Variants in PC observed in about 807,000 individuals in gnomAD.
The protein encoded by PC is pyruvate carboxylase, mitochondrial.
A neutral mutation model predicts 107.8 loss-of-function variants in PC; 46 were observed. The ratio of observed to expected loss-of-function variants is 0.43; its 90% CI spans 0.34 to 0.55. The LOEUF is 0.55. Ranked by LOEUF, PC falls within the 20% of genes least tolerant of loss-of-function variation. PC has a pLI of 0.04. For synonymous variants in PC, 662 were observed against 684.7 expected (o/e 0.97, Z 0.52); for missense variants, 1,241 against 1,643.1 (o/e 0.76, Z 4.23).
In PC at chr11:66,852,548, G is replaced by A. The variant is rs577570512; in HGVS notation, c.1716C>T (p.Asp572=). ...GLLLMDTTFR[D]AHQSLLATRV... ...GAGTGGCCAGCAGTGACTGGTGGGC[G>A]TCCCTGAAGGTCGTGTCCATCAGCA... Residue 572 remains aspartate (D), a synonymous_variant, in exon 15 of 23, where the codon GAC becomes GAT. Transcript: ENST00000393960. The surrounding 1 kb of genome is among the most constrained non-coding windows in gnomAD (Gnocchi z 4.7). 3.6e-5 allele frequency: 58 copies of A among 1,614,012 alleles called. No individual in the cohort carries two copies. The African/African-American group carries it at 3.7e-4, about 10-fold the overall frequency.
chr11:66,941,100 A>AG (rs1555048762), intron 3 of PC, among the ~76,000 whole-genome samples: 2 of 149,048 alleles, frequency 1.3e-5, no homozygotes, highest in East Asian at 2.0e-4. Flanking sequence ...AAAAAAAAAA[A>AG]GGTGCTCAAC....
rs921681116 is a variant in PC at position 66,848,452 on chromosome 11, A to T, written c.*447T>A. 5.6e-6 allele frequency: 3 copies of T among 538,874 alleles called. No individual in the cohort carries two copies. The African/African-American group carries it at 5.7e-5, about 10-fold the overall frequency. The allele number at this position is 538,874 out of a possible 1,614,324, so 33.4% of individuals were successfully genotyped here. A position where few individuals can be genotyped will look rare whatever the true frequency, so the allele number is the denominator to read the frequency against. On this transcript the variant is annotated 3_prime_UTR_variant, in exon 23 of 23. Transcript: ENST00000393960. ...AACGACACAACTGACCTGCCCACCC[A>T]TGGGGAGCTTGAAAGGCAGCCCCCC...
In PC at chr11:66,848,575, C is replaced by T. The variant is rs1731543524; in HGVS notation, c.*324G>A. The T allele has an allele frequency of 3.3e-5, 20 of 598,632 alleles. 1 individual carries two copies. In the South Asian group the frequency reaches 4.0e-4, roughly 12 times the overall value. The allele number at this position is 598,632 out of a possible 1,614,324, so 37.1% of individuals were successfully genotyped here. A position where few individuals can be genotyped will look rare whatever the true frequency, so the allele number is the denominator to read the frequency against. On this transcript the variant is annotated 3_prime_UTR_variant, in exon 23 of 23. Transcript: ENST00000393960. ...GTAAACTTCCCAGGACCTGGGACAT[C>T]TTAGATCTCCCCTTCCCCCAGGAGA...
At chr11:66,948,397 TGA>T (rs1248000319) in intron 3 of PC, among the ~76,000 whole-genome samples, 1 of 151,386 alleles carries the variant, frequency 6.6e-6, no homozygotes, top group African/African-American at 2.4e-5. Flanking sequence ...TCCTGAAGAG[TGA>T]GGAGGCAGAG....
intron 3 of PC, among the ~76,000 whole-genome samples, chr11:66,896,417 T>A (rs182279507): frequency 6.6e-6 from 1 of 152,226 alleles, no homozygotes; most frequent in Admixed American, 6.5e-5. Flanking sequence ...CTATCAACCA[T>A]GTATGAAAGT....
intron 12 of PC, among the ~76,000 whole-genome samples, chr11:66,854,740 T>C (rs1565218798): frequency 6.6e-6 from 1 of 152,146 alleles, no homozygotes; most frequent in Non-Finnish European, 1.5e-5. Context: ...CTCCGTCTCT[T>C]AGGCTCCTAT....
chr11:66,907,257 G>A (rs1202781739), intron 3 of PC, among the ~76,000 whole-genome samples: 4 of 152,242 alleles, frequency 2.6e-5, no homozygotes, highest in Non-Finnish European at 1.5e-5. Flanking sequence ...GCCAGGAACA[G>A]TGGTTCACGC....
intron 1 of PC, among the ~76,000 whole-genome samples, chr11:66,957,527 G>A (rs1014025404): frequency 2.0e-5 from 3 of 152,172 alleles, no homozygotes; most frequent in Non-Finnish European, 4.4e-5. Context: ...GTGGCAGGAG[G>A]GTCGCTTGAG....
intron 3 of PC, among the ~76,000 whole-genome samples, chr11:66,894,954 G>A (rs951375258): frequency 4.6e-5 from 7 of 151,796 alleles, no homozygotes; most frequent in East Asian, 1.9e-4. Flanking sequence ...CCCAGGAGGC[G>A]GAAGCTGAAG....
At chr11:66,946,092 CA>C (rs757767116) in intron 3 of PC, among the ~76,000 whole-genome samples, 6,160 of 66,150 alleles carry the variant, frequency 0.093, 51 homozygotes, top group Non-Finnish European at 0.14. Flanking sequence ...GACTCCGTCT[CA>C]AAAAAAAAAA....
rs918437272 is a variant in PC at position 66,871,876 on chromosome 11, A to T, written c.137-5T>A. On this transcript the variant is annotated splice_polypyrimidine_tract_variant and splice_region_variant and intron_variant, in intron 4 of 22. Coordinates refer to ENST00000393960, the MANE Select transcript of PC (RefSeq NM_001040716.2). This position sits in a 1 kb window ranked among gnomAD's most constrained non-coding sequence, Gnocchi z 7.4. ...ACACACGGATGGCAATCTCACCTAGAGGGCAAAGAAACAAGAAGTTAGATT... is the reference window on the plus strand; with the variant it reads ...ACACACGGATGGCAATCTCACCTAGTGGGCAAAGAAACAAGAAGTTAGATT... 6.2e-6 allele frequency: 10 copies of T among 1,606,912 alleles called. No homozygotes were observed. The Admixed American group carries it at 1.7e-4, about 27-fold the overall frequency.
At chr11:66,954,173 GA>G (rs1381154415) in intron 2 of PC, 75 bp downstream of exon 2, 1 of 152,218 alleles carries the variant, frequency 6.6e-6, no homozygotes, top group Non-Finnish European at 1.5e-5. Flanking sequence ...AACAAGAGCA[GA>G]GGGGGGACCG....
chr11:66,863,984 T>G, intron 11 of PC, 28 bp from the exon 12 acceptor site: 7 of 1,612,556 alleles, frequency 4.3e-6, no homozygotes, highest in Non-Finnish European at 5.9e-6. Context: ...CGTGAGGACC[T>G]GCGCCAGAAA....
At chr11:66,860,971 G>A (rs1335956186) in intron 12 of PC, among the ~76,000 whole-genome samples, 1 of 152,188 alleles carries the variant, frequency 6.6e-6, no homozygotes, top group Non-Finnish European at 1.5e-5. Flanking sequence ...GCATCTTGTG[G>A]ACTGGTAAAA....
rs1565304132 is a variant in PC at position 66,945,419 on chromosome 11, G to T, written c.-1+7011C>A. ...TAGATTAACTGAATTCAAATGGTTTGGGGGGGCGGGTCGGAACTGCAGAGT... is the reference window on the plus strand; with the variant it reads ...TAGATTAACTGAATTCAAATGGTTTTGGGGGGCGGGTCGGAACTGCAGAGT... On this transcript the variant is annotated intron_variant, in intron 3 of 22. Coordinates refer to ENST00000393960, the MANE Select transcript of PC (RefSeq NM_001040716.2). 3.4e-4 allele frequency among the ~76,000 whole-genome samples: 4 copies of T among 11,808 alleles called. 1 individual carries two copies. The highest frequency in any genetic ancestry group is 7.4e-4 in the Non-Finnish European group (4 of 5,436). The allele number at this position is 11,808 out of a possible 152,430, so 7.7% of individuals were successfully genotyped here. A position where few individuals can be genotyped will look rare whatever the true frequency, so the allele number is the denominator to read the frequency against.
At chr11:66,861,373 G>A (rs929778264) in intron 12 of PC, among the ~76,000 whole-genome samples, 5 of 152,240 alleles carry the variant, frequency 3.3e-5, no homozygotes, top group African/African-American at 4.8e-5. Context: ...CCCAGGCCAC[G>A]GCAAACACGC....
intron 12 of PC, among the ~76,000 whole-genome samples, chr11:66,863,233 G>A (rs1033411074): frequency 1.3e-5 from 2 of 152,116 alleles, no homozygotes; most frequent in African/African-American, 2.4e-5. Context: ...CCAGCTACTC[G>A]GGAGGCTGAG....
chr11:66,869,306 C>T (rs911346356), intron 9 of PC, among the ~76,000 whole-genome samples: 2 of 151,968 alleles, frequency 1.3e-5, no homozygotes, highest in East Asian at 1.9e-4. Context: ...CTGTGTCATC[C>T]ACCCAGACAC....
Position 66,866,166 on chromosome 11 carries a change from C to T in PC, c.1185+21G>A, listed in dbSNP as rs773055488. 6.9e-6 allele frequency: 11 copies of T among 1,602,422 alleles called. No homozygotes were observed. Among genetic ancestry groups the T allele is most frequent in the Non-Finnish European group, 9.3e-6 (11 of 1,178,292 alleles). On this transcript the variant is annotated intron_variant, in intron 11 of 22. Transcript: ENST00000393960. The surrounding 1 kb of genome is among the most constrained non-coding windows in gnomAD (Gnocchi z 5.4). The stretch of plus-strand genomic sequence containing the variant: ...TGTGCACAGGTGAGCTGGCATCTCC[C>T]TCTGCTCGAGCTCCGCCCACCTCAA...
Sources: gnomAD v4.1 joint callset for allele counts (sites outside exome capture counted in the v4.1 genomes callset) on GRCh38, gnomAD v4.1.1 for gene constraint, Gnocchi (gnomAD v3.1) non-coding constraint, MANE v1.5 for transcripts, NCBI Gene and HGNC (gene_info 2026-07-23, HGNC 2026-07-21) for gene names.